The following ATF7IP variants were observed in gnomAD, a reference collection of about 807,000 sequenced individuals.
The protein encoded by ATF7IP is activating transcription factor 7-interacting protein 1.
ATF7IP carries 23 observed loss-of-function variants against 106.4 expected under a neutral mutation model. The observed-to-expected ratio is 0.22, with a 90% CI of 0.16 to 0.31. The LOEUF (loss-of-function observed/expected upper bound fraction) is 0.31. ATF7IP is among the 10% of genes least tolerant of loss of function. ATF7IP has a pLI of 1.00. For synonymous variants in ATF7IP, 542 were observed against 539.0 expected (o/e 1.01, Z -0.08); for missense variants, 1,334 against 1,524.3 (o/e 0.88, Z 2.08).
chr12:14,428,218 C>A (rs1417544035), intron 2 of ATF7IP, among the ~76,000 whole-genome samples: 1 of 151,980 alleles, frequency 6.6e-6, no homozygotes, highest in Non-Finnish European at 1.5e-5. Context: ...ATGTCAGAAT[C>A]TTGATATTGG....
intron 13 of ATF7IP, among the ~76,000 whole-genome samples, chr12:14,495,659 C>G (rs959961761): frequency 6.6e-6 from 1 of 152,144 alleles, no homozygotes; most frequent in Non-Finnish European, 1.5e-5. Flanking sequence ...TGAGTATCCT[C>G]AACCAAGGAG....
At chr12:14,434,297 C>G (rs1942292030) in intron 2 of ATF7IP, 40 bp from the exon 3 acceptor site, 2 of 1,195,662 alleles carry the variant, frequency 1.7e-6, no homozygotes, top group Middle Eastern at 2.0e-4. Flanking sequence ...GTTATGAATT[C>G]TAGTAGAAGT....
At chr12:14,377,441 C>T (rs1938796023) in intron 1 of ATF7IP, among the ~76,000 whole-genome samples, 3 of 151,078 alleles carry the variant, frequency 2.0e-5, no homozygotes, top group African/African-American at 7.3e-5. Flanking sequence ...TTGCAAGCTC[C>T]GCCTCCCAGG....
intron 5 of ATF7IP, among the ~76,000 whole-genome samples, chr12:14,442,914 G>A (rs888093845): frequency 2.6e-5 from 4 of 152,076 alleles, no homozygotes; most frequent in Non-Finnish European, 4.4e-5. Flanking sequence ...GAGCACTTTG[G>A]GAGGCTGAGA....
intron 1 of ATF7IP, chr12:14,384,998 C>A: frequency 6.1e-6 from 1 of 163,764 alleles, no homozygotes; most frequent in Non-Finnish European, 1.3e-5. Flanking sequence ...ATCTCTGTAA[C>A]TGCTAATATG....
At chr12:14,385,608 A>G (rs893031787) in intron 1 of ATF7IP, among the ~76,000 whole-genome samples, 3 of 152,134 alleles carry the variant, frequency 2.0e-5, no homozygotes, top group Non-Finnish European at 4.4e-5. Context: ...TCACCATTTT[A>G]TGTTCTGTCA....
At chr12:14,468,427 G>A (rs1943914962) in intron 10 of ATF7IP, among the ~76,000 whole-genome samples, 1 of 151,130 alleles carries the variant, frequency 6.6e-6, no homozygotes, top group African/African-American at 2.4e-5. Context: ...GATCACTTGA[G>A]CCCAGGAGGT....
chr12:14,482,986 G>T (rs1944476834), intron 13 of ATF7IP, among the ~76,000 whole-genome samples: 1 of 152,152 alleles, frequency 6.6e-6, no homozygotes, highest in Admixed American at 6.6e-5. Context: ...TGAAGGAAAA[G>T]GAAATAAAGA....
intron 1 of ATF7IP, among the ~76,000 whole-genome samples, chr12:14,406,452 G>T (rs1940585723): frequency 6.6e-6 from 1 of 152,030 alleles, no homozygotes; most frequent in Non-Finnish European, 1.5e-5. Context: ...CTTTTCACTA[G>T]TTGTGACTCA....
chr12:14,485,314 T>TG (rs1216911721), intron 13 of ATF7IP, among the ~76,000 whole-genome samples: 1 of 151,678 alleles, frequency 6.6e-6, no homozygotes, highest in Non-Finnish European at 1.5e-5. Context: ...CACTAGATGT[T>TG]GTGCCTCTTT....
intron 13 of ATF7IP, among the ~76,000 whole-genome samples, chr12:14,495,149 A>AT (rs1944974580): frequency 6.6e-6 from 1 of 152,078 alleles, no homozygotes; most frequent in African/African-American, 2.4e-5. Context: ...CTGGCAGCTG[A>AT]TTAGATTGTG....
Position 14,498,132 on chromosome 12 carries a change from A to G in ATF7IP, c.*59A>G. ...TTTCCACCTTTTGGTCTTGTTTTTA[A>G]TCTTGTGCATGATACCCCATGTAAA... is the stretch of plus-strand genomic sequence containing the variant. On this transcript the variant is annotated 3_prime_UTR_variant, in exon 15 of 15. Coordinates refer to ENST00000261168, the MANE Select transcript of ATF7IP (RefSeq NM_018179.5). 1 of 1,468,034 alleles carries G rather than the reference A, an allele frequency of 6.8e-7. No individual in the cohort carries two copies. 90.9% of individuals were successfully genotyped at this position (1,468,034 alleles called of 1,614,324 possible). A position where few individuals can be genotyped will look rare whatever the true frequency, so the allele number is the denominator to read the frequency against.
chr12:14,398,856 T>A (rs1449781046), intron 1 of ATF7IP, among the ~76,000 whole-genome samples: 1 of 152,038 alleles, frequency 6.6e-6, no homozygotes. Context: ...AGCGTATCAT[T>A]TTCTATCCTT....
intron 1 of ATF7IP, chr12:14,385,353 C>T: frequency 6.5e-7 from 1 of 1,531,200 alleles, no homozygotes; most frequent in South Asian, 1.2e-5. Context: ...GCTGCTTAGG[C>T]AGCAAGTATG....
Position 14,460,949 on chromosome 12 carries a change from T to C in ATF7IP, c.2613T>C (p.Ala871=). The change falls in exon 9 of 15, where the codon GCT becomes GCC. Residue 871 remains alanine, a synonymous_variant. Coordinates refer to ENST00000261168, the MANE Select transcript of ATF7IP (RefSeq NM_018179.5). ...ASAAPLGTTL[A]VQAVPTAHSI... The stretch of plus-strand genomic sequence containing the variant: ...CTGCACCATTGGGAACAACACTTGC[T>C]GTGCAGGCTGTTCCAACAGCACACT... 1 of 1,614,216 alleles carries C rather than the reference T, an allele frequency of 6.2e-7. No homozygotes were observed. The highest frequency in any genetic ancestry group is 1.1e-5 in the South Asian group (1 of 91,086).
In ATF7IP at chr12:14,427,801, G is replaced by T. The variant is rs565764609; in HGVS notation, c.1558+2328G>T. The stretch of plus-strand genomic sequence containing the variant: ...TGGTACTACTATCATAATAGATCTA[G>T]AGTCCAATTCACAACTGTTATTACT... On this transcript the variant is annotated intron_variant, in intron 2 of 14. Coordinates refer to ENST00000261168, the MANE Select transcript of ATF7IP (RefSeq NM_018179.5). Among the ~76,000 whole-genome samples the T allele has an allele frequency of 3.3e-5, 5 of 152,168 alleles. No individual in the cohort carries two copies. In the South Asian group the frequency reaches 1.0e-3, roughly 32 times the overall value.
intron 1 of ATF7IP, among the ~76,000 whole-genome samples, chr12:14,420,653 T>A (rs1305675907): frequency 6.6e-6 from 1 of 151,806 alleles, no homozygotes; most frequent in Non-Finnish European, 1.5e-5. Context: ...AATAAAGAAA[T>A]AGCCATCACT....
chr12:14,465,696 T>TA (rs1170282022), intron 9 of ATF7IP, among the ~76,000 whole-genome samples: 1 of 152,074 alleles, frequency 6.6e-6, no homozygotes, highest in Non-Finnish European at 1.5e-5. Context: ...CATACAGACT[T>TA]ATATATATAC....
chr12:14,379,656 C>A (rs1277053547), intron 1 of ATF7IP, among the ~76,000 whole-genome samples: 1 of 152,112 alleles, frequency 6.6e-6, no homozygotes, highest in South Asian at 2.1e-4. Flanking sequence ...AAAGGTCATT[C>A]TATGTTTTCA....
Sources: allele counts gnomAD v4.1 joint callset (sites outside exome capture counted in the v4.1 genomes callset), GRCh38; gene constraint gnomAD v4.1.1; transcripts MANE v1.5; gene names NCBI Gene and HGNC (gene_info 2026-07-23, HGNC 2026-07-21).